The following ANKRD24 variants were observed in gnomAD, a reference collection of about 807,000 sequenced individuals.
ANKRD24 encodes ankyrin repeat domain 24.
ANKRD24 carries 109 observed loss-of-function variants against 127.8 expected under a neutral mutation model. That is an observed-to-expected ratio of 0.85 (90% confidence interval 0.73 to 1.00). The LOEUF is 1.00. Among genes scored for constraint, ANKRD24 ranks in the 50% least tolerant of loss-of-function variants. The probability of loss-of-function intolerance (pLI) is 0.00; values close to 1 mark genes in which losing one functional copy is unlikely to be tolerated. For synonymous variants in ANKRD24, 743 were observed against 671.1 expected, an observed-to-expected ratio of 1.11 and a Z score of -1.66; for missense variants, 1,648 against 1,570.2, an observed-to-expected ratio of 1.05 and a Z score of -0.84.
intron 10 of ANKRD24, among the ~76,000 whole-genome samples, 181 bp downstream of exon 10, chr19:4,208,149 GA>G (rs1265406344): frequency 1.3e-5 from 2 of 152,024 alleles, no homozygotes; most frequent in African/African-American, 4.8e-5. Context: ...AGTAGTCTGG[GA>G]GGGGGTCTGC....
chr19:4,188,579 G>A (rs1354060455), intron 2 of ANKRD24, among the ~76,000 whole-genome samples: 4 of 151,734 alleles, frequency 2.6e-5, no homozygotes, highest in Non-Finnish European at 5.9e-5. Flanking sequence ...ATGGGGTGTA[G>A]CTGTGTTGCC....
At chr19:4,182,965 T>TTGTGTGTGTGTGTGTGTGTGTGTG (rs57280997) in intron 1 of ANKRD24, among the ~76,000 whole-genome samples, 84 of 138,680 alleles carry the variant, frequency 6.1e-4, no homozygotes, top group Middle Eastern at 3.6e-3. Context: ...AATATCTCAT[T>TTGTGTGTGTGTGTGTGTGTGTGTG]TGTGTGTGTG....
chr19:4,187,720 G>C (rs1237131664), intron 2 of ANKRD24, among the ~76,000 whole-genome samples: 2 of 152,226 alleles, frequency 1.3e-5, no homozygotes, highest in African/African-American at 4.8e-5. Context: ...GCCTGGCCTG[G>C]GTGGGCAAGC....
At chr19:4,193,699 T>C (rs575602125) in intron 2 of ANKRD24, among the ~76,000 whole-genome samples, 1 of 151,836 alleles carries the variant, frequency 6.6e-6, no homozygotes, top group South Asian at 2.1e-4. Context: ...TAGCCAGGCA[T>C]GGTGGCGGGT....
At chr19:4,193,423 G>C (rs184290239) in intron 2 of ANKRD24, among the ~76,000 whole-genome samples, 1 of 152,106 alleles carries the variant, frequency 6.6e-6, no homozygotes, top group African/African-American at 2.4e-5. Flanking sequence ...CCATGTGCAC[G>C]GTGGGGCAGG....
At position 4,218,072 on chromosome 19, in the gene ANKRD24, T is replaced by C. The variant is rs1336385059; in HGVS notation, c.2912T>C (p.Val971Ala). The C allele has an allele frequency of 4.5e-6, 7 of 1,555,542 alleles. No homozygotes were observed. The highest frequency in any genetic ancestry group is 6.1e-6 in the Non-Finnish European group (7 of 1,154,196). The change falls in exon 18 of 22, where the codon GTG (valine) becomes GCG (alanine). Residue 971 changes from valine (V) to alanine (A), a missense_variant. By Grantham distance (64) the Val-to-Ala change is moderately conservative (BLOSUM62 0). Transcript: ENST00000318934. ...GCGCTCTCGGAGCACGAACGCATCG[T>C]GGGCACCCTGCAGGCCAACGTGGCC... Reference protein sequence around the residue: ...SVALSEHERIVGTLQANVAQL... With the variant: ...SVALSEHERIAGTLQANVAQL...
chr19:4,199,982 G>A lies in ANKRD24; in HGVS notation c.231G>A (p.Lys77=), dbSNP rs1343621279. 2 of 1,564,900 alleles carry A rather than the reference G, an allele frequency of 1.3e-6. No homozygotes were observed. Among genetic ancestry groups the A allele is most frequent in the Non-Finnish European group, 1.7e-6 (2 of 1,154,664 alleles). ...CCCGCAAGGGGCTGGTGCCCACGAA[G>A]CTAGACCCCGAGGGCAAGTCCGCGT... The part of the protein sequence containing the change: ...LIARKGLVPT[K]LDPEGKSAFH... Residue 77 remains lysine (K), a synonymous_variant, in exon 4 of 22, where the codon AAG becomes AAA. Transcript: ENST00000318934. The surrounding 1 kb of genome is among the most constrained non-coding windows in gnomAD (Gnocchi z 5.2).
At position 4,218,165 on chromosome 19, in the gene ANKRD24, TG is replaced by T; in HGVS notation, c.3003+3del. 1 of 1,477,348 alleles carries T rather than the reference TG, an allele frequency of 6.8e-7. No individual in the cohort carries two copies. 91.5% of individuals were successfully genotyped at this position (1,477,348 alleles called of 1,614,324 possible). A position where few individuals can be genotyped will look rare whatever the true frequency, so the allele number is the denominator to read the frequency against. ...AAGACCAGCGCAGAGGTCTTCCAGG[TG>T]AGCAGGGCTGGTCACCACCCGGGCC... On this transcript the variant is annotated splice_donor_region_variant and intron_variant, in intron 18 of 21. Coordinates refer to ENST00000318934, the MANE Select transcript of ANKRD24 (RefSeq NM_001393985.1).
intron 13 of ANKRD24, among the ~76,000 whole-genome samples, chr19:4,211,035 A>G (rs1243078199): frequency 6.6e-6 from 1 of 151,480 alleles, no homozygotes; most frequent in Non-Finnish European, 1.5e-5. Context: ...GTTTCAGCAC[A>G]TTGGCCAGGC....
intron 7 of ANKRD24, 166 bp from the exon 8 acceptor site, chr19:4,207,076 T>G: frequency 5.0e-6 from 3 of 602,962 alleles, no homozygotes; most frequent in Non-Finnish European, 5.7e-6. Context: ...CACACCCAGA[T>G]AATGTTTGCT....
intron 19 of ANKRD24, 22 bp downstream of exon 19, chr19:4,219,780 C>A: frequency 1.3e-6 from 2 of 1,583,234 alleles, no homozygotes; most frequent in Middle Eastern, 2.2e-4. Context: ...CTCTCCCACA[C>A]TCAGTCAGGG....
Position 4,211,328 on chromosome 19 carries a change from C to T in ANKRD24, c.1059+956C>T, listed in dbSNP as rs116924392. 2.0e-5 allele frequency among the ~76,000 whole-genome samples: 3 copies of T among 152,062 alleles called. No individual in the cohort carries two copies. In the East Asian group the frequency reaches 5.8e-4, roughly 29 times the overall value. On this transcript the variant is annotated intron_variant, in intron 13 of 21. Transcript: ENST00000318934. ...ATGAATGGCCAAAACCAGGTCTGCC[C>T]CATAAGAGGCACCCAGTAAAAACTT... is the stretch of plus-strand genomic sequence containing the variant.
intron 13 of ANKRD24, among the ~76,000 whole-genome samples, chr19:4,210,935 G>A (rs1162326837): frequency 6.6e-6 from 1 of 152,020 alleles, no homozygotes; most frequent in African/African-American, 2.4e-5. Flanking sequence ...CCGGGTTCAA[G>A]CGATTCTCCT....
At position 4,217,847 on chromosome 19, in the gene ANKRD24, G is replaced by A. The variant is rs918721408; in HGVS notation, c.2687G>A (p.Arg896Gln). Residue 896 changes from arginine to glutamine, a missense_variant, in exon 18 of 22, where the codon CGG becomes CAG. Arg to Gln is a conservative substitution (Grantham distance 43). Transcript: ENST00000318934. ...CTGCCTGCGGCCTGCGAGGAGGCGC[G>A]GCAGGGCCTGGCCGAGCTGCGGGAG... ...AELPAACEEA[R>Q]QGLAELREAS... 3 of 1,442,714 alleles carry A rather than the reference G, an allele frequency of 2.1e-6. No individual in the cohort carries two copies. Among genetic ancestry groups the A allele is most frequent in the Non-Finnish European group, 2.7e-6 (3 of 1,103,860 alleles). The allele number at this position is 1,442,714 out of a possible 1,614,324, so 89.4% of individuals were successfully genotyped here.
In ANKRD24 at chr19:4,193,288, C is replaced by T. The variant is rs529911849; in HGVS notation, c.37-6395C>T. Among the ~76,000 whole-genome samples the T allele has an allele frequency of 3.9e-5, 5 of 127,858 alleles. No homozygotes were observed. In the East Asian group the frequency reaches 1.2e-3, roughly 30 times the overall value. The allele number at this position is 127,858 out of a possible 152,430, so 83.9% of individuals were successfully genotyped here. On this transcript the variant is annotated intron_variant, in intron 2 of 21. Coordinates refer to ENST00000318934, the MANE Select transcript of ANKRD24 (RefSeq NM_001393985.1). ...CTGCACTCCAGTCTGGGCAATAGAG[C>T]GACTCCATCAAAAAAAAAAAAAAAA... is the stretch of plus-strand genomic sequence containing the variant.
Position 4,199,798 on chromosome 19 carries a change from C to A in ANKRD24, c.123+29C>A. The A allele has an allele frequency of 6.6e-7, 1 of 1,516,350 alleles. No homozygotes were observed. Among genetic ancestry groups the A allele is most frequent in the Non-Finnish European group, 8.8e-7 (1 of 1,132,160 alleles). 93.9% of individuals were successfully genotyped at this position (1,516,350 alleles called of 1,614,324 possible). A position where few individuals can be genotyped will look rare whatever the true frequency, so the allele number is the denominator to read the frequency against. ...AGTGCCCAGGGGCAGGTGGTGAGAG[C>A]CCGGAGCCCCTGTCGGGGGCGTGGG... On this transcript the variant is annotated intron_variant, in intron 3 of 21. Coordinates refer to ENST00000318934, the MANE Select transcript of ANKRD24 (RefSeq NM_001393985.1). The surrounding 1 kb of genome is among the most constrained non-coding windows in gnomAD (Gnocchi z 5.2).
In ANKRD24 at chr19:4,199,764, C is replaced by T. The variant is rs60004310; in HGVS notation, c.118C>T (p.Arg40Cys). Residue 40 changes from arginine to cysteine, a missense_variant, in exon 3 of 22, where the codon CGC becomes TGC. Coordinates refer to ENST00000318934, the MANE Select transcript of ANKRD24 (RefSeq NM_001393985.1). This position sits in a 1 kb window ranked among gnomAD's most constrained non-coding sequence, Gnocchi z 5.2. ...CCCGAAGCCGGCAGCCAGAGGCAGG[C>T]GCCAGGCAAGTGCCCAGGGGCAGGT... is the stretch of plus-strand genomic sequence containing the variant. ...PIPKPAARGR[R>C]QSQDWGKSDE... 15 of 1,536,780 alleles carry T rather than the reference C, an allele frequency of 9.8e-6. 1 individual carries two copies. Among genetic ancestry groups the T allele is most frequent in the East Asian group, 7.4e-5 (3 of 40,812 alleles).
At chr19:4,196,462 G>T (rs1182750239) in intron 2 of ANKRD24, among the ~76,000 whole-genome samples, 2 of 152,082 alleles carry the variant, frequency 1.3e-5, no homozygotes, top group Non-Finnish European at 2.9e-5. Flanking sequence ...TGCAACCTCT[G>T]CCTCCAGGGT....
intron 2 of ANKRD24, among the ~76,000 whole-genome samples, chr19:4,192,287 G>C (rs1968427000): frequency 6.6e-6 from 1 of 152,104 alleles, no homozygotes; most frequent in South Asian, 2.1e-4. Flanking sequence ...TTTCTAGAGA[G>C]TCACAGACTC....
Sources: allele counts gnomAD v4.1 joint callset (sites outside exome capture counted in the v4.1 genomes callset), GRCh38; gene constraint gnomAD v4.1.1; non-coding constraint Gnocchi (gnomAD v3.1); transcripts MANE v1.5; gene names NCBI Gene and HGNC (gene_info 2026-07-23, HGNC 2026-07-21).